KHDRBS3: variants seen among roughly 807,000 people sequenced by gnomAD.
KHDRBS3 encodes KH RNA binding domain containing, signal transduction associated 3.
A neutral mutation model predicts 45.6 loss-of-function variants in KHDRBS3; 23 were observed. The observed-to-expected ratio is 0.50, with a 90% CI of 0.36 to 0.72. The LOEUF is 0.72. Ranked by LOEUF, KHDRBS3 falls within the 30% of genes least tolerant of loss-of-function variation. KHDRBS3 has a pLI of 0.00. For missense variants in KHDRBS3, 352 were observed against 424.8 expected, an observed-to-expected ratio of 0.83 and a Z score of 1.51; for synonymous variants, 162 against 156.5, an observed-to-expected ratio of 1.04 and a Z score of -0.26.
At chr8:135,545,936 G>A (rs867048229) in intron 3 of KHDRBS3, among the ~76,000 whole-genome samples, 4 of 152,140 alleles carry the variant, frequency 2.6e-5, no homozygotes, top group South Asian at 2.1e-4. Context: ...TCAGGAGTTC[G>A]AGACCAGCCT....
At chr8:135,499,103 G>A (rs1396546202) in intron 1 of KHDRBS3, among the ~76,000 whole-genome samples, 1 of 152,178 alleles carries the variant, frequency 6.6e-6, no homozygotes, top group Non-Finnish European at 1.5e-5. Context: ...AAAAGAGGTG[G>A]AACATGGCAA....
chr8:135,555,015 T>G (rs910042971), intron 4 of KHDRBS3, among the ~76,000 whole-genome samples: 1 of 152,196 alleles, frequency 6.6e-6, no homozygotes, highest in African/African-American at 2.4e-5. Context: ...TGCCGTTAAT[T>G]TCTGTGGCTT....
intron 1 of KHDRBS3, among the ~76,000 whole-genome samples, chr8:135,493,141 G>A (rs1170353911): frequency 2.0e-5 from 3 of 151,430 alleles, no homozygotes; most frequent in South Asian, 2.1e-4. Context: ...GCAGTGGCAC[G>A]ATCTCGGCTC....
intron 1 of KHDRBS3, among the ~76,000 whole-genome samples, chr8:135,508,221 A>C (rs1393817048): frequency 6.6e-6 from 1 of 152,188 alleles, no homozygotes; most frequent in African/African-American, 2.4e-5. Context: ...AACCAACAGA[A>C]AATATTCGTT....
chr8:135,626,284 T>C (rs1265099012), intron 7 of KHDRBS3, among the ~76,000 whole-genome samples: 1 of 152,186 alleles, frequency 6.6e-6, no homozygotes, highest in Non-Finnish European at 1.5e-5. Flanking sequence ...TTTCTGATAT[T>C]TGTTTGGCTT....
chr8:135,627,534 G>T (rs1429951974), intron 7 of KHDRBS3, among the ~76,000 whole-genome samples: 1 of 152,188 alleles, frequency 6.6e-6, no homozygotes, highest in African/African-American at 2.4e-5. Context: ...TGTTAAACAG[G>T]CAGCAACAAA....
chr8:135,622,781 C>G (rs1167523192), intron 7 of KHDRBS3, among the ~76,000 whole-genome samples: 1 of 151,980 alleles, frequency 6.6e-6, no homozygotes, highest in Non-Finnish European at 1.5e-5. Context: ...TAATCCAATA[C>G]CAAAAGATTC....
At chr8:135,540,049 A>G (rs775591371) in intron 2 of KHDRBS3, 3 of 152,132 alleles carry the variant, frequency 2.0e-5, no homozygotes, top group African/African-American at 4.8e-5. Flanking sequence ...GAACTATTTG[A>G]CCTAACTTAA....
chr8:135,508,965 G>A (rs558912359), intron 1 of KHDRBS3, among the ~76,000 whole-genome samples: 2 of 152,244 alleles, frequency 1.3e-5, no homozygotes, highest in Admixed American at 6.5e-5. Context: ...AGATAAAAAT[G>A]AGTCATTAGA....
intron 6 of KHDRBS3, among the ~76,000 whole-genome samples, chr8:135,605,646 A>G (rs1249190752): frequency 1.3e-5 from 2 of 152,208 alleles, no homozygotes; most frequent in Non-Finnish European, 1.5e-5. Flanking sequence ...GCCCTGCAGA[A>G]CATACATATT....
intron 1 of KHDRBS3, among the ~76,000 whole-genome samples, chr8:135,512,182 T>A (rs981840851): frequency 3.3e-5 from 5 of 152,184 alleles, no homozygotes; most frequent in Admixed American, 6.5e-5. Context: ...GGTTAAAAAA[T>A]TCCTTTTCAG....
intron 7 of KHDRBS3, among the ~76,000 whole-genome samples, chr8:135,644,042 C>A (rs1377175616): frequency 6.6e-6 from 1 of 152,108 alleles, no homozygotes; most frequent in South Asian, 2.1e-4. Context: ...TCTAAGATAA[C>A]AAATTCAGGA....
intron 8 of KHDRBS3, among the ~76,000 whole-genome samples, chr8:135,645,428 T>C (rs1450590646): frequency 1.3e-5 from 2 of 152,218 alleles, no homozygotes; most frequent in East Asian, 1.9e-4. Context: ...CTGGGTCTTT[T>C]TGAAGTGTCT....
At chr8:135,543,516 G>A (rs1826142735) in intron 3 of KHDRBS3, among the ~76,000 whole-genome samples, 2 of 152,082 alleles carry the variant, frequency 1.3e-5, no homozygotes, top group South Asian at 2.1e-4. Flanking sequence ...TTTAAACACA[G>A]GTGATTTAAA....
At chr8:135,654,114 CA>C (rs1163493508) in intron 4 of KHDRBS3, among the ~76,000 whole-genome samples, 1 of 151,988 alleles carries the variant, frequency 6.6e-6, no homozygotes, top group African/African-American at 2.4e-5. Context: ...AACAATATAC[CA>C]TTTTCTCCCC....
Position 135,647,236 on chromosome 8 carries a change from A to G in KHDRBS3, c.*152A>G, listed in dbSNP as rs1233488381. 3.9e-6 allele frequency: 1 copy of G among 259,024 alleles called. No homozygotes were observed. Among genetic ancestry groups the G allele is most frequent in the Non-Finnish European group, 6.7e-6 (1 of 149,228 alleles). The allele number at this position is 259,024 out of a possible 1,614,324, so 16.0% of individuals were successfully genotyped here. ...TTAAAACTACTTTGTTGAAACATCA[A>G]CCTGGGCAGAAAAAAAAAAAAAAAG... On this transcript the variant is annotated 3_prime_UTR_variant, in exon 9 of 9. Coordinates refer to ENST00000355849, the MANE Select transcript of KHDRBS3 (RefSeq NM_006558.3).
intron 6 of KHDRBS3, among the ~76,000 whole-genome samples, chr8:135,601,464 T>C (rs1171197964): frequency 6.6e-6 from 1 of 152,164 alleles, no homozygotes; most frequent in Non-Finnish European, 1.5e-5. Flanking sequence ...AAAAATTCAC[T>C]AGACAGAGCA....
At chr8:135,596,489 G>T (rs1302559963) in intron 6 of KHDRBS3, among the ~76,000 whole-genome samples, 3 of 152,222 alleles carry the variant, frequency 2.0e-5, no homozygotes, top group Middle Eastern at 3.4e-3. Context: ...TGGGACTAAG[G>T]TTAACCTAGA....
intron 1 of KHDRBS3, among the ~76,000 whole-genome samples, chr8:135,503,590 T>G (rs190639544): frequency 5.3e-5 from 8 of 151,930 alleles, no homozygotes; most frequent in African/African-American, 1.7e-4. Context: ...TCTTCCCCCA[T>G]GAACTCATTT....
Sources: gnomAD v4.1 joint callset for allele counts (sites outside exome capture counted in the v4.1 genomes callset) on GRCh38, gnomAD v4.1.1 for gene constraint, MANE v1.5 for transcripts, NCBI Gene and HGNC (gene_info 2026-07-23, HGNC 2026-07-21) for gene names.